The following RARB variants were observed in gnomAD, a reference collection of about 807,000 sequenced individuals.
RARB encodes retinoic acid receptor beta, also known as HBV-activated protein.
RARB carries 17 observed loss-of-function variants against 51.9 expected under a neutral mutation model. That is an observed-to-expected ratio of 0.33 (90% CI 0.22 to 0.49). The LOEUF (loss-of-function observed/expected upper bound fraction) is 0.49. RARB is among the 20% of genes least tolerant of loss of function. The probability of loss-of-function intolerance (pLI) is 0.99; values close to 1 mark genes in which losing one functional copy is unlikely to be tolerated. For synonymous variants in RARB, 215 were observed against 195.4 expected, an observed-to-expected ratio of 1.10 and a Z score of -0.84; for missense variants, 369 against 550.8, an observed-to-expected ratio of 0.67 and a Z score of 3.30.
At chr3:25,453,458 G>A (rs1015078162) in intron 1 of RARB, among the ~76,000 whole-genome samples, 2 of 151,932 alleles carry the variant, frequency 1.3e-5, no homozygotes, top group African/African-American at 2.4e-5. Flanking sequence ...TGTTGGTCAG[G>A]CTGGTCTTGA....
chr3:25,548,881 G>C (rs1328971277), intron 3 of RARB, among the ~76,000 whole-genome samples: 1 of 152,074 alleles, frequency 6.6e-6, no homozygotes, highest in African/African-American at 2.4e-5. Context: ...AGATGTTTTA[G>C]GGTGAGCCAC....
chr3:24,844,357 T>C (rs1702459772), intron 1 of RARB, among the ~76,000 whole-genome samples: 1 of 152,230 alleles, frequency 6.6e-6, no homozygotes. Flanking sequence ...TTGGTGATAG[T>C]CTTTCTTGCT....
At chr3:24,857,796 T>A (rs926892845) in intron 1 of RARB, among the ~76,000 whole-genome samples, 2 of 152,050 alleles carry the variant, frequency 1.3e-5, no homozygotes, top group African/African-American at 4.8e-5. Context: ...AGTGGTGGCA[T>A]GTGCCTGTGG....
intron 5 of RARB, among the ~76,000 whole-genome samples, chr3:25,587,694 T>C (rs879904170): frequency 2.6e-5 from 4 of 152,228 alleles, no homozygotes; most frequent in Non-Finnish European, 5.9e-5. Flanking sequence ...CAACAGGCAC[T>C]ATATGCGCTG....
At chr3:25,068,350 A>T (rs1698705090) in intron 3 of RARB, among the ~76,000 whole-genome samples, 2 of 151,874 alleles carry the variant, frequency 1.3e-5, no homozygotes, top group Non-Finnish European at 2.9e-5. Flanking sequence ...TAGAAGACAC[A>T]AGTTGCAGAA....
chr3:25,148,180 T>C lies in RARB; in HGVS notation c.-280+15972T>C, dbSNP rs191201048. ...AGAAGTTGCAATGGTTAAGAGACAT[T>C]AACACCCCAACATATTGATGTAAGC... On this transcript the variant is annotated intron_variant, in intron 4 of 11. Transcript: ENST00000383772. Among the ~76,000 whole-genome samples the C allele has an allele frequency of 2.6e-4, 39 of 152,308 alleles. No individual in the cohort carries two copies. In the East Asian group the frequency reaches 7.3e-3, roughly 29 times the overall value.
At chr3:25,041,652 A>T (rs1194796170) in intron 2 of RARB, among the ~76,000 whole-genome samples, 1 of 152,050 alleles carries the variant, frequency 6.6e-6, no homozygotes, top group Non-Finnish European at 1.5e-5. Context: ...TCTTATCCTC[A>T]ACTCTAAATT....
intron 2 of RARB, among the ~76,000 whole-genome samples, chr3:25,043,773 G>A (rs775709708): frequency 1.3e-5 from 2 of 152,138 alleles, no homozygotes; most frequent in Non-Finnish European, 2.9e-5. Context: ...CGAAGTCACC[G>A]ATAGTTCAGA....
chr3:25,133,449 G>C lies in RARB; in HGVS notation c.-280+1241G>C, dbSNP rs1241087300. On this transcript the variant is annotated intron_variant, in intron 4 of 11. Transcript: ENST00000383772. The stretch of plus-strand genomic sequence containing the variant: ...CAGTGACAATCTCATCAGCACCCTG[G>C]AGGATAGTAACTGTAAGCACAAATA... 3.3e-5 allele frequency among the ~76,000 whole-genome samples: 5 copies of C among 151,942 alleles called. No homozygotes were observed. The East Asian group carries it at 9.7e-4, about 29-fold the overall frequency.
At chr3:25,351,408 C>T (rs1026162425) in intron 5 of RARB, among the ~76,000 whole-genome samples, 6 of 152,020 alleles carry the variant, frequency 3.9e-5, no homozygotes, top group Admixed American at 2.0e-4. Context: ...GATTGTTTAT[C>T]GATCACAGAA....
rs769471863 is a variant in RARB at position 25,596,609 on chromosome 3, T to G, written c.1340T>G (p.Val447Gly). 1.9e-6 allele frequency: 3 copies of G among 1,591,762 alleles called. No homozygotes were observed. The highest frequency in any genetic ancestry group is 1.7e-6 in the Non-Finnish European group (2 of 1,163,002). Residue 447 changes from valine (V) to glycine (G), a missense_variant, in exon 8 of 8, where the codon GTG becomes GGG. Coordinates refer to ENST00000330688, the MANE Select transcript of RARB (RefSeq NM_000965.5). ...ENSGVSQSPLVQ is the reference protein window; with the variant it reads ...ENSGVSQSPLGQ ...AGTGGGGTCAGTCAGTCACCACTCG[T>G]GCAATAAGACATTTTCTAGCTACTT...
At chr3:25,560,045 T>G (rs1447026883) in intron 3 of RARB, among the ~76,000 whole-genome samples, 1 of 152,220 alleles carries the variant, frequency 6.6e-6, no homozygotes, top group Non-Finnish European at 1.5e-5. Context: ...GTTAATTGAC[T>G]AATCATATCC....
At chr3:25,192,946 G>C (rs903601697) in intron 5 of RARB, among the ~76,000 whole-genome samples, 10 of 152,022 alleles carry the variant, frequency 6.6e-5, no homozygotes, top group African/African-American at 2.2e-4. Flanking sequence ...CCAAGAGCCA[G>C]GCCCTCATGA....
At chr3:25,582,438 G>A (rs1575540305) in intron 5 of RARB, among the ~76,000 whole-genome samples, 1 of 151,974 alleles carries the variant, frequency 6.6e-6, no homozygotes, top group Admixed American at 6.5e-5. Context: ...AGGGCCTGGA[G>A]CCTTCCCAGG....
At chr3:24,950,689 C>T (rs1695870589) in intron 2 of RARB, among the ~76,000 whole-genome samples, 1 of 139,162 alleles carries the variant, frequency 7.2e-6, no homozygotes, top group African/African-American at 2.7e-5. Flanking sequence ...AGGGTATAGG[C>T]AGGAGAAGAG....
chr3:25,336,267 T>C (rs1214215599), intron 5 of RARB, among the ~76,000 whole-genome samples: 1 of 152,210 alleles, frequency 6.6e-6, no homozygotes, highest in Non-Finnish European at 1.5e-5. Context: ...CCTTTTCTTT[T>C]AGAGATATAG....
chr3:24,901,858 A>G (rs1034458205), intron 2 of RARB, among the ~76,000 whole-genome samples: 1 of 152,142 alleles, frequency 6.6e-6, no homozygotes, highest in Non-Finnish European at 1.5e-5. Context: ...AGCATTTACT[A>G]TACCAGGTGC....
intron 3 of RARB, among the ~76,000 whole-genome samples, chr3:25,101,351 T>C (rs1699397032): frequency 2.0e-5 from 3 of 152,114 alleles, no homozygotes; most frequent in African/African-American, 7.2e-5. Context: ...CATCAAAAAG[T>C]GAAAGCCTCC....
At chr3:25,166,038 G>T (rs1219899983) in intron 4 of RARB, among the ~76,000 whole-genome samples, 13 of 151,796 alleles carry the variant, frequency 8.6e-5, no homozygotes, top group Non-Finnish European at 1.9e-4. Flanking sequence ...TGCAGAGGAA[G>T]CTATTTAGAT....
Sources: allele counts gnomAD v4.1 joint callset (sites outside exome capture counted in the v4.1 genomes callset), GRCh38; gene constraint gnomAD v4.1.1; transcripts MANE v1.5; gene names NCBI Gene and HGNC (gene_info 2026-07-23, HGNC 2026-07-21).